The following LRRC63 variants were observed in gnomAD, a reference collection of about 807,000 sequenced individuals.
LRRC63 encodes leucine rich repeat containing 63.
LRRC63 carries 40 observed loss-of-function variants against 49.5 expected under a neutral mutation model. The observed-to-expected ratio is 0.81, with a 90% CI of 0.63 to 1.05. The LOEUF is 1.05. Ranked by LOEUF, LRRC63 falls within the 50% of genes least tolerant of loss-of-function variation. The pLI is 0.00. For synonymous variants in LRRC63, 191 were observed against 221.1 expected, an observed-to-expected ratio of 0.86 and a Z score of 1.21; for missense variants, 636 against 663.1, an observed-to-expected ratio of 0.96 and a Z score of 0.45.
rs2047738486 is a variant in LRRC63 at position 46,270,271 on chromosome 13, C to A, written c.1550+3299C>A. 5 of 863,890 alleles carry A rather than the reference C, an allele frequency of 5.8e-6. No individual in the cohort carries two copies. In the South Asian group the frequency reaches 6.6e-5, roughly 11 times the overall value. The allele number at this position is 863,890 out of a possible 1,614,324, so 53.5% of individuals were successfully genotyped here. A position where few individuals can be genotyped will look rare whatever the true frequency, so the allele number is the denominator to read the frequency against. On this transcript the variant is annotated intron_variant, in intron 9 of 9. Coordinates refer to ENST00000595396, the Ensembl canonical transcript of LRRC63. ...TTCAGAGTGGAAAAACAATTAAAAGCATTCCCTGTCAGATCAGTCCCAACT... is the reference window on the plus strand; with the variant it reads ...TTCAGAGTGGAAAAACAATTAAAAGAATTCCCTGTCAGATCAGTCCCAACT...
chr13:46,270,531 A>C, intron 9 of LRRC63: 1 of 818,792 alleles, frequency 1.2e-6, no homozygotes, highest in Non-Finnish European at 2.2e-6. Context: ...AAATTTGAAG[A>C]AAGTAAAAAC....
At chr13:46,267,965 T>C (rs2047705070) in intron 9 of LRRC63, among the ~76,000 whole-genome samples, 1 of 152,146 alleles carries the variant, frequency 6.6e-6, no homozygotes, top group African/African-American at 2.4e-5. Context: ...AGAAAAAAAG[T>C]GTTTGAGAGA....
chr13:46,273,368 CTGAGG>C (rs2047785455), intron 9 of LRRC63, among the ~76,000 whole-genome samples: 1 of 152,040 alleles, frequency 6.6e-6, no homozygotes, highest in South Asian at 2.1e-4. Context: ...CTTTGGAAGG[CTGAGG>C]TGGCAGATCA....
At chr13:46,270,365 C>G in intron 9 of LRRC63, 1 of 869,908 alleles carries the variant, frequency 1.1e-6, no homozygotes, top group South Asian at 1.3e-5. Context: ...AGAACTTGCA[C>G]CTCTCTGTAA....
chr13:46,237,520 A>G (rs2046936665), intron 5 of LRRC63, among the ~76,000 whole-genome samples: 1 of 152,142 alleles, frequency 6.6e-6, no homozygotes, highest in South Asian at 2.1e-4. Context: ...TAAGAACTTA[A>G]CTTTACACCT....
rs373290426 is a variant in LRRC63 at position 46,239,596 on chromosome 13, C to CA, written c.990+5254dup. Among the ~76,000 whole-genome samples the CA allele has an allele frequency of 2.2e-3, 341 of 152,200 alleles. 3 individuals carry two copies. The highest frequency in any genetic ancestry group is 7.8e-3 in the African/African-American group (324 of 41,506). On this transcript the variant is annotated intron_variant, in intron 5 of 9. Coordinates refer to ENST00000595396, the Ensembl canonical transcript of LRRC63. ...TGTACTATTTCTGCTGAAACTATTC[C>CA]AAAAAAATTGAGGAGGAGGGGCTCC...
At chr13:46,261,500 C>A (rs189872203) in intron 7 of LRRC63, among the ~76,000 whole-genome samples, 1 of 152,196 alleles carries the variant, frequency 6.6e-6, no homozygotes, top group Admixed American at 6.5e-5. Flanking sequence ...GACAGTTTCT[C>A]CCTCAGAGCC....
intron 5 of LRRC63, among the ~76,000 whole-genome samples, chr13:46,234,728 T>G (rs1324476783): frequency 2.0e-5 from 3 of 152,164 alleles, no homozygotes; most frequent in Admixed American, 6.5e-5. Flanking sequence ...TTGTTAAGTA[T>G]CCACTATGTG....
At chr13:46,232,132 C>T (rs2046781330) in intron 4 of LRRC63, among the ~76,000 whole-genome samples, 1 of 152,090 alleles carries the variant, frequency 6.6e-6, no homozygotes, top group Non-Finnish European at 1.5e-5. Context: ...CACTTTTAAA[C>T]AACATCGGAA....
chr13:46,230,485 C>G (rs1232921738), intron 4 of LRRC63, among the ~76,000 whole-genome samples: 1 of 152,144 alleles, frequency 6.6e-6, no homozygotes, highest in Non-Finnish European at 1.5e-5. Flanking sequence ...AGTAGGGAAG[C>G]CGACTGTGTA....
At chr13:46,234,339 T>G (rs1236145548) in exon 5 of LRRC63, 1 of 1,549,808 alleles carries the variant, frequency 6.5e-7, no homozygotes, top group Non-Finnish European at 8.7e-7. Context: ...AGAAATGCAC[T>G]TAATCTGAAG....
At chr13:46,232,633 C>T (rs752165008) in intron 4 of LRRC63, among the ~76,000 whole-genome samples, 5 of 151,960 alleles carry the variant, frequency 3.3e-5, no homozygotes, top group African/African-American at 7.3e-5. Context: ...AAACCTAACA[C>T]GTTGAGAGAA....
intron 9 of LRRC63, chr13:46,270,133 C>T: frequency 2.9e-6 from 2 of 693,374 alleles, no homozygotes; most frequent in Admixed American, 2.0e-5. Flanking sequence ...TGGATCAATA[C>T]TTCACTCGCT....
At chr13:46,250,307 C>T in intron 6 of LRRC63, 48 bp from the exon 7 acceptor site, 2 of 1,370,902 alleles carry the variant, frequency 1.5e-6, no homozygotes. Context: ...TAATGATTTG[C>T]ATACTTTATT....
chr13:46,276,854 A>ATATATATATT (rs1555330634), exon 10 of LRRC63: 1,777 of 118,382 alleles, frequency 0.015, 30 homozygotes, highest in Non-Finnish European at 0.02. Context: ...ATATATATTT[A>ATATATATATT]TATATATATA....
At chr13:46,247,610 A>C (rs1261142344) in intron 6 of LRRC63, among the ~76,000 whole-genome samples, 2 of 152,152 alleles carry the variant, frequency 1.3e-5, no homozygotes, top group East Asian at 3.8e-4. Flanking sequence ...TATTCCAATG[A>C]AGATGGTAAT....
exon 5 of LRRC63, chr13:46,234,297 A>G (rs760597276): frequency 1.3e-4 from 208 of 1,550,144 alleles, no homozygotes; most frequent in Non-Finnish European, 1.5e-4. Flanking sequence ...GCCATGACCA[A>G]CCTGGCCATA....
At chr13:46,276,832 A>ATATATATATATATATT (rs1555330603) in exon 10 of LRRC63, 13 of 141,872 alleles carry the variant, frequency 9.2e-5, no homozygotes, top group African/African-American at 4.0e-4. Flanking sequence ...GTGTGTGTAT[A>ATATATATATATATATT]TATATATATA....
chr13:46,274,422 T>C (rs528051212), intron 9 of LRRC63, among the ~76,000 whole-genome samples: 1 of 152,328 alleles, frequency 6.6e-6, no homozygotes, highest in African/African-American at 2.4e-5. Flanking sequence ...CTACTTTCGC[T>C]GAGTTCTTTG....
Sources: gnomAD v4.1 joint callset for allele counts (sites outside exome capture counted in the v4.1 genomes callset) on GRCh38, gnomAD v4.1.1 for gene constraint, MANE v1.5 for transcripts, NCBI Gene and HGNC (gene_info 2026-07-23, HGNC 2026-07-21) for gene names.